Variants in LRP1B observed in about 807,000 individuals in gnomAD.
The protein encoded by LRP1B is low-density lipoprotein receptor-related protein 1B.
A neutral mutation model predicts 556.6 loss-of-function variants in LRP1B; 217 were observed. The observed-to-expected ratio is 0.39, with a 90% CI of 0.35 to 0.44. The LOEUF (loss-of-function observed/expected upper bound fraction) is 0.44, where lower values mean the gene tolerates loss of function less well. LRP1B is among the 20% of genes least tolerant of loss of function. The pLI, the probability that LRP1B is intolerant of heterozygous loss-of-function variation, is 1.00. For synonymous variants in LRP1B, 2,047 were observed against 1,865.8 expected, an observed-to-expected ratio of 1.10 and a Z score of -2.50; for missense variants, 5,053 against 5,620.8, an observed-to-expected ratio of 0.90 and a Z score of 3.23.
At chr2:140,584,875 C>CCGTTT (rs1681920933) in intron 43 of LRP1B, among the ~76,000 whole-genome samples, 1 of 151,410 alleles carries the variant, frequency 6.6e-6, no homozygotes, top group South Asian at 2.1e-4. Context: ...TTGATTTTGG[C>CCGTTT]CTTTTCTTTT....
intron 35 of LRP1B, among the ~76,000 whole-genome samples, chr2:140,730,708 C>T (rs536910546): frequency 6.6e-6 from 1 of 151,956 alleles, no homozygotes; most frequent in African/African-American, 2.4e-5. Context: ...TACAGGCACC[C>T]GCCACATGCC....
At chr2:141,412,620 A>AT (rs904058512) in intron 3 of LRP1B, among the ~76,000 whole-genome samples, 5 of 152,140 alleles carry the variant, frequency 3.3e-5, no homozygotes, top group African/African-American at 4.8e-5. Context: ...CTTTTGTGTA[A>AT]TTTTTTTAAG....
intron 3 of LRP1B, among the ~76,000 whole-genome samples, chr2:141,474,213 T>C (rs1011881354): frequency 4.3e-5 from 5 of 116,828 alleles, no homozygotes; most frequent in Non-Finnish European, 9.7e-5. Flanking sequence ...TTTTCCTTTC[T>C]GGAAAATAAA....
chr2:140,328,150 A>AACTC (rs913715561), intron 79 of LRP1B, among the ~76,000 whole-genome samples: 31 of 152,132 alleles, frequency 2.0e-4, no homozygotes, highest in African/African-American at 7.0e-4. Context: ...ATTCTCAAGA[A>AACTC]ACTCATTTTT....
intron 84 of LRP1B, among the ~76,000 whole-genome samples, chr2:140,282,053 G>C (rs778338839): frequency 2.0e-5 from 3 of 151,636 alleles, no homozygotes; most frequent in African/African-American, 7.3e-5. Flanking sequence ...GTCCTTCCTC[G>C]GTCTAACAAT....
At chr2:141,993,563 A>G (rs997932790) in intron 1 of LRP1B, among the ~76,000 whole-genome samples, 2 of 152,146 alleles carry the variant, frequency 1.3e-5, no homozygotes, top group African/African-American at 4.8e-5. Context: ...CATGGAGCTG[A>G]TAGCCAATAG....
In LRP1B at chr2:141,795,856, C is replaced by CAAAA. The variant is rs1342510905; in HGVS notation, c.205+14422_205+14423insTTTT. Among the ~76,000 whole-genome samples the CAAAA allele has an allele frequency of 5.9e-3, 112 of 18,954 alleles. 2 individuals carry two copies. Among genetic ancestry groups the CAAAA allele is most frequent in the African/African-American group, 0.024 (108 of 4,506 alleles). 12.4% of individuals were successfully genotyped at this position (18,954 alleles called of 152,430 possible). ...AGAAATAGAGAATGAAAACCAGGAG[C>CAAAA]AATATATATATATATATATATATAT... On this transcript the variant is annotated intron_variant, in intron 2 of 90. Coordinates refer to ENST00000389484, the MANE Select transcript of LRP1B (RefSeq NM_018557.3).
chr2:140,784,586 A>G (rs185809998), intron 32 of LRP1B, among the ~76,000 whole-genome samples: 26 of 152,084 alleles, frequency 1.7e-4, no homozygotes, highest in Middle Eastern at 3.4e-3. Flanking sequence ...AATTAAGTAA[A>G]CAGAAAAGAA....
chr2:141,706,837 T>G (rs561603471), intron 2 of LRP1B, among the ~76,000 whole-genome samples: 34 of 152,012 alleles, frequency 2.2e-4, no homozygotes, highest in Non-Finnish European at 4.4e-4. Flanking sequence ...ATACTAATAT[T>G]TAGTTCTAAT....
At chr2:140,271,242 T>C (rs1014711962) in intron 85 of LRP1B, among the ~76,000 whole-genome samples, 1 of 151,968 alleles carries the variant, frequency 6.6e-6, no homozygotes, top group Non-Finnish European at 1.5e-5. Flanking sequence ...ACCTACTCTG[T>C]GGGTCAAAAC....
chr2:140,965,877 C>T (rs1222139209), intron 18 of LRP1B, among the ~76,000 whole-genome samples: 1 of 97,990 alleles, frequency 1.0e-5, no homozygotes, highest in Non-Finnish European at 2.2e-5. Context: ...CTACAAAGGA[C>T]ATGAACTCAT....
intron 35 of LRP1B, among the ~76,000 whole-genome samples, chr2:140,751,398 A>G (rs1688575739): frequency 6.6e-6 from 1 of 152,220 alleles, no homozygotes. Flanking sequence ...GGTTTTTTAA[A>G]GTTGAAGAAA....
chr2:141,205,308 T>A (rs761212986), intron 6 of LRP1B, among the ~76,000 whole-genome samples: 1 of 151,978 alleles, frequency 6.6e-6, no homozygotes, highest in Non-Finnish European at 1.5e-5. Context: ...AGGGAAAAAA[T>A]TGAGATGATT....
intron 60 of LRP1B, among the ~76,000 whole-genome samples, chr2:140,472,203 A>G (rs998552529): frequency 6.6e-6 from 1 of 152,168 alleles, no homozygotes. Flanking sequence ...ACAGAAAGAC[A>G]GGTCAGTAAA....
chr2:141,141,137 G>A (rs1451118845), intron 7 of LRP1B, among the ~76,000 whole-genome samples: 4 of 152,014 alleles, frequency 2.6e-5, no homozygotes, highest in Non-Finnish European at 5.9e-5. Flanking sequence ...GAAACATTTT[G>A]TTATTTGGTT....
intron 2 of LRP1B, among the ~76,000 whole-genome samples, chr2:141,565,921 G>A (rs1686313782): frequency 6.6e-6 from 1 of 150,674 alleles, no homozygotes; most frequent in Non-Finnish European, 1.5e-5. Flanking sequence ...TTTTTTGCCA[G>A]GCACTCTGCC....
intron 3 of LRP1B, among the ~76,000 whole-genome samples, chr2:141,325,960 A>AC (rs1687412631): frequency 6.6e-6 from 1 of 152,148 alleles, no homozygotes; most frequent in African/African-American, 2.4e-5. Flanking sequence ...TACTCTGAAA[A>AC]CCCAAACTTT....
At chr2:140,433,807 C>T (rs1686054452) in intron 66 of LRP1B, among the ~76,000 whole-genome samples, 1 of 151,312 alleles carries the variant, frequency 6.6e-6, no homozygotes, top group Non-Finnish European at 1.5e-5. Flanking sequence ...TAAATAGTAT[C>T]ACTTTATATT....
chr2:141,244,349 C>A (rs1007578541), intron 5 of LRP1B, among the ~76,000 whole-genome samples: 2 of 152,160 alleles, frequency 1.3e-5, no homozygotes, highest in African/African-American at 4.8e-5. Flanking sequence ...CTAGGCCATT[C>A]GGGCCTTCCC....
Sources: allele counts gnomAD v4.1 joint callset (sites outside exome capture counted in the v4.1 genomes callset), GRCh38; gene constraint gnomAD v4.1.1; transcripts MANE v1.5; gene names NCBI Gene and HGNC (gene_info 2026-07-23, HGNC 2026-07-21).